Variants in ACTR3 observed in about 807,000 individuals in gnomAD.
The protein encoded by ACTR3 is actin related protein 3, also known as actin-related protein 3.
ACTR3 carries 12 observed loss-of-function variants against 56.8 expected under a neutral mutation model. The ratio of observed to expected loss-of-function variants is 0.21; its 90% CI spans 0.14 to 0.34. The LOEUF (loss-of-function observed/expected upper bound fraction) is 0.34, where lower values mean the gene tolerates loss of function less well. Among genes scored for constraint, ACTR3 ranks in the 10% least tolerant of loss-of-function variants. The pLI is 1.00. For missense variants in ACTR3, 282 were observed against 512.5 expected, an observed-to-expected ratio of 0.55 and a Z score of 4.34; for synonymous variants, 162 against 167.4, an observed-to-expected ratio of 0.97 and a Z score of 0.25.
At chr2:113,930,927 C>T (rs753900065) in intron 4 of ACTR3, among the ~76,000 whole-genome samples, 3 of 152,104 alleles carry the variant, frequency 2.0e-5, no homozygotes, top group South Asian at 4.1e-4. Flanking sequence ...CTGGCAAATA[C>T]CATTGATGTT....
chr2:113,902,673 C>T (rs1270838107), intron 1 of ACTR3, among the ~76,000 whole-genome samples: 1 of 151,854 alleles, frequency 6.6e-6, no homozygotes, highest in African/African-American at 2.4e-5. Flanking sequence ...GATCTTGGCT[C>T]CCTGCAACCT....
intron 3 of ACTR3, among the ~76,000 whole-genome samples, chr2:113,924,078 G>T: frequency 7.0e-6 from 1 of 143,504 alleles, no homozygotes. Flanking sequence ...TTTTGAGACA[G>T]GTGTCTTGCC....
chr2:113,935,727 G>A (rs1324464944), intron 6 of ACTR3, among the ~76,000 whole-genome samples: 2 of 151,852 alleles, frequency 1.3e-5, no homozygotes, highest in Non-Finnish European at 2.9e-5. Context: ...TAAAATTATT[G>A]TTTAAATCTG....
At chr2:113,893,218 A>T (rs1678940044) in intron 1 of ACTR3, among the ~76,000 whole-genome samples, 1 of 151,910 alleles carries the variant, frequency 6.6e-6, no homozygotes, top group Non-Finnish European at 1.5e-5. Context: ...TTGTATGATC[A>T]TCCTAAGGTT....
At position 113,931,372 on chromosome 2, in the gene ACTR3, TC is replaced by T; in HGVS notation, c.410del (p.Pro137GlnfsTer13). ...AEIMFESFNVPGLYIAVQAVL... is the reference protein window; with the variant it reads ...AEIMFESFNVXGLYIAVQAVL... ...AAATAATGTTTGAGTCCTTCAATGT[TC>T]CAGGCTTGTACATTGCTGTGCAGGT... On this transcript the variant is annotated frameshift_variant, in exon 5 of 12. Transcript: ENST00000263238. LOFTEE classifies it high-confidence loss of function. 1 of 1,600,650 alleles carries T rather than the reference TC, an allele frequency of 6.2e-7. No individual in the cohort carries two copies. Among genetic ancestry groups the T allele is most frequent in the Non-Finnish European group, 8.5e-7 (1 of 1,173,566 alleles).
intron 2 of ACTR3, among the ~76,000 whole-genome samples, chr2:113,914,303 G>A (rs1679362441): frequency 6.6e-6 from 1 of 152,146 alleles, no homozygotes; most frequent in Admixed American, 6.5e-5. Context: ...AAAATTAAGT[G>A]TGTGGCATTA....
upstream of ACTR3, chr2:113,889,946 C>T (rs964302264): frequency 2.3e-5 from 12 of 531,994 alleles, no homozygotes; most frequent in African/African-American, 1.6e-4. Flanking sequence ...GCCGGGGCGT[C>T]GGCACCGGCG....
intron 3 of ACTR3, among the ~76,000 whole-genome samples, chr2:113,926,890 CT>C (rs771604353): frequency 6.8e-6 from 1 of 148,120 alleles, no homozygotes; most frequent in Non-Finnish European, 1.5e-5. Context: ...GTGCTTGATT[CT>C]TACAATTATT....
chr2:113,942,494 AT>A, intron 8 of ACTR3, 135 bp downstream of exon 8: 1 of 611,750 alleles, frequency 1.6e-6, no homozygotes, highest in Non-Finnish European at 2.4e-6. Flanking sequence ...TTTATAAAAC[AT>A]TTTATGAACT....
At chr2:113,893,123 A>G (rs1678938017) in intron 1 of ACTR3, among the ~76,000 whole-genome samples, 1 of 152,212 alleles carries the variant, frequency 6.6e-6, no homozygotes, top group Non-Finnish European at 1.5e-5. Flanking sequence ...ACTAAATAAC[A>G]GAACTCAAAC....
At chr2:113,956,576 C>G (rs72952588) in intron 11 of ACTR3, among the ~76,000 whole-genome samples, 9 of 152,156 alleles carry the variant, frequency 5.9e-5, no homozygotes, top group African/African-American at 2.2e-4. Flanking sequence ...ATGTTTTACA[C>G]TGAATAAAGG....
At chr2:113,938,243 CCTT>C (rs934820155) in intron 6 of ACTR3, among the ~76,000 whole-genome samples, 1 of 151,886 alleles carries the variant, frequency 6.6e-6, no homozygotes, top group Admixed American at 6.6e-5. Flanking sequence ...TCATTGTTGA[CCTT>C]CTTCATTATA....
In ACTR3 at chr2:113,890,157, C is replaced by A. The variant is rs1466033146; in HGVS notation, c.-123C>A. The A allele has an allele frequency of 5.3e-6, 7 of 1,317,128 alleles. No homozygotes were observed. The highest frequency in any genetic ancestry group is 7.5e-6 in the Non-Finnish European group (7 of 939,038). 81.6% of individuals were successfully genotyped at this position (1,317,128 alleles called of 1,614,324 possible). A position where few individuals can be genotyped will look rare whatever the true frequency, so the allele number is the denominator to read the frequency against. ...CTACTGCTTCGGCTTCCCGGCTACC[C>A]CCCGGACGGTGAAGGCGGCCCAGCT... is the stretch of plus-strand genomic sequence containing the variant. On this transcript the variant is annotated 5_prime_UTR_variant, in exon 1 of 12. Transcript: ENST00000263238.
At chr2:113,930,071 T>G (rs1204896718) in intron 4 of ACTR3, among the ~76,000 whole-genome samples, 1 of 152,252 alleles carries the variant, frequency 6.6e-6, no homozygotes, top group Admixed American at 6.5e-5. Flanking sequence ...ATAATTATGT[T>G]GAGCAGTCTT....
chr2:113,959,112 T>G lies in ACTR3; in HGVS notation c.*1657T>G, dbSNP rs1369900718. Reference sequence around the variant, plus strand: ...CATTATAAAAATACTATTCAAACAGTACCAAAGAGTAGATTAGCAAAAGTA... The same window carrying G: ...CATTATAAAAATACTATTCAAACAGGACCAAAGAGTAGATTAGCAAAAGTA... On this transcript the variant is annotated 3_prime_UTR_variant, in exon 12 of 12. Coordinates refer to ENST00000263238, the MANE Select transcript of ACTR3 (RefSeq NM_005721.5). 1 of 152,034 alleles carries G rather than the reference T, an allele frequency of 6.6e-6. No homozygotes were observed. Among genetic ancestry groups the G allele is most frequent in the African/African-American group, 2.4e-5 (1 of 41,440 alleles). 9.4% of individuals were successfully genotyped at this position (152,034 alleles called of 1,614,324 possible). A position where few individuals can be genotyped will look rare whatever the true frequency, so the allele number is the denominator to read the frequency against.
intron 8 of ACTR3, among the ~76,000 whole-genome samples, chr2:113,950,031 G>A (rs1023701185): frequency 6.6e-6 from 1 of 152,178 alleles, no homozygotes; most frequent in Admixed American, 6.5e-5. Context: ...TCTTGAGAGC[G>A]CTGAATTAGT....
At chr2:113,946,752 CTT>C (rs960126531) in intron 8 of ACTR3, among the ~76,000 whole-genome samples, 2 of 152,162 alleles carry the variant, frequency 1.3e-5, no homozygotes, top group African/African-American at 4.8e-5. Context: ...ATCATGGAAT[CTT>C]TGCCCATACC....
intron 1 of ACTR3, among the ~76,000 whole-genome samples, chr2:113,909,206 A>G (rs904961828): frequency 2.0e-5 from 3 of 152,178 alleles, no homozygotes; most frequent in South Asian, 2.1e-4. Context: ...TATCCATACA[A>G]TTGGATACTG....
chr2:113,938,740 T>A (rs140077997), intron 6 of ACTR3, among the ~76,000 whole-genome samples: 4 of 152,266 alleles, frequency 2.6e-5, no homozygotes, highest in Middle Eastern at 3.4e-3. Context: ...CAGTATTCAG[T>A]TAAGGAGGTA....
Sources: allele counts gnomAD v4.1 joint callset (sites outside exome capture counted in the v4.1 genomes callset), GRCh38; gene constraint gnomAD v4.1.1; transcripts MANE v1.5; gene names NCBI Gene and HGNC (gene_info 2026-07-23, HGNC 2026-07-21).